Variants in SAMD5 observed in about 807,000 individuals in gnomAD.
The protein encoded by SAMD5 is sterile alpha motif domain-containing protein 5.
In SAMD5, 13 loss-of-function variants were observed where a neutral mutation model predicts 11.3. The ratio of observed to expected loss-of-function variants is 1.15; its 90% CI spans 0.75 to 1.83. The LOEUF is 1.83. SAMD5 is among the 40% of genes most tolerant of loss of function. The probability of loss-of-function intolerance (pLI) is 0.00; values close to 1 mark genes in which losing one functional copy is unlikely to be tolerated. For synonymous variants in SAMD5, 129 were observed against 111.3 expected, an observed-to-expected ratio of 1.16 and a Z score of -1.00; for missense variants, 255 against 239.1, an observed-to-expected ratio of 1.07 and a Z score of -0.44.
At chr6:147,854,912 G>A in the SAMD5 span, among the ~76,000 whole-genome samples, 3 of 152,268 alleles carry the variant, frequency 2.0e-5, 1 homozygote, top group East Asian at 5.8e-4. Flanking sequence ...TGTACAGGGA[G>A]TGTACTACTG....
chr6:147,877,394 A>G, the SAMD5 span, among the ~76,000 whole-genome samples: 1 of 152,316 alleles, frequency 6.6e-6, no homozygotes, highest in South Asian at 2.1e-4. Context: ...ATTCAACCTT[A>G]CAACAGAGAA....
chr6:147,786,409 C>G, the SAMD5 span, among the ~76,000 whole-genome samples: 1 of 152,126 alleles, frequency 6.6e-6, no homozygotes, highest in African/African-American at 2.4e-5. Context: ...CTAATTTATT[C>G]ATCTGGAAAG....
chr6:147,659,367 G>T (rs1007209828), intron 1 of SAMD5, among the ~76,000 whole-genome samples: 2 of 152,040 alleles, frequency 1.3e-5, no homozygotes, highest in Non-Finnish European at 2.9e-5. Context: ...TATCAGCAAA[G>T]CTTATCAATG....
At chr6:147,777,233 A>G in the SAMD5 span, among the ~76,000 whole-genome samples, 250 of 152,220 alleles carry the variant, frequency 1.6e-3, 1 homozygote, top group African/African-American at 5.7e-3. Context: ...TCATGCCCCA[A>G]TAATACCAAG....
intron 1 of SAMD5, among the ~76,000 whole-genome samples, chr6:147,667,419 A>G (rs1790738411): frequency 6.6e-6 from 1 of 152,196 alleles, no homozygotes; most frequent in Non-Finnish European, 1.5e-5. Flanking sequence ...AGGCGTTGGC[A>G]TATAATGAGG....
rs1789079637 is a variant in SAMD5 at position 147,568,454 on chromosome 6, G to C, written c.*3998G>C. ...TAGGTATCAAAATAGGTTTAGGCAG[G>C]TGGAAGTTCTGAATTTCAAGGCAAA... On this transcript the variant is annotated 3_prime_UTR_variant, in exon 2 of 2. Transcript: ENST00000367474. 2 of 985,362 alleles carry C rather than the reference G, an allele frequency of 2.0e-6. No homozygotes were observed. The highest frequency in any genetic ancestry group is 1.2e-6 in the Non-Finnish European group (1 of 829,904). 61.0% of individuals were successfully genotyped at this position (985,362 alleles called of 1,614,324 possible).
the SAMD5 span, among the ~76,000 whole-genome samples, chr6:147,767,468 C>T: frequency 3.3e-5 from 5 of 151,976 alleles, no homozygotes; most frequent in East Asian, 1.9e-4. Flanking sequence ...TGTGTCTCCC[C>T]GAAACTCTTA....
chr6:147,782,566 T>C, the SAMD5 span, among the ~76,000 whole-genome samples: 1 of 152,214 alleles, frequency 6.6e-6, no homozygotes, highest in East Asian at 1.9e-4. Context: ...GTGGGAATTA[T>C]TCTCCTGCAG....
the SAMD5 span, among the ~76,000 whole-genome samples, chr6:147,796,693 C>T: frequency 6.3e-3 from 965 of 152,264 alleles, 10 homozygotes; most frequent in African/African-American, 0.022. Context: ...TTCTTCCTAC[C>T]CATGAGCATG....
the SAMD5 span, among the ~76,000 whole-genome samples, chr6:147,775,300 C>T: frequency 6.6e-6 from 1 of 152,064 alleles, no homozygotes; most frequent in African/African-American, 2.4e-5. Flanking sequence ...TCAATTTTCT[C>T]ATCTGTTAAA....
the SAMD5 span, among the ~76,000 whole-genome samples, chr6:147,762,012 C>CT: frequency 2.6e-5 from 4 of 152,052 alleles, no homozygotes; most frequent in East Asian, 1.9e-4. Flanking sequence ...CACGCCTGGC[C>CT]TTTTTTTACA....
the SAMD5 span, among the ~76,000 whole-genome samples, chr6:147,936,345 G>A: frequency 1.3e-5 from 2 of 151,974 alleles, no homozygotes; most frequent in Non-Finnish European, 2.9e-5. Context: ...CATAGCACTA[G>A]CATCTGCTTC....
At chr6:147,584,211 T>A (rs989742036) in intron 1 of SAMD5, among the ~76,000 whole-genome samples, 2 of 152,164 alleles carry the variant, frequency 1.3e-5, no homozygotes, top group African/African-American at 4.8e-5. Flanking sequence ...ATTATTAATA[T>A]AACCCACTAA....
intron 1 of SAMD5, among the ~76,000 whole-genome samples, chr6:147,652,353 A>C (rs1790498182): frequency 6.6e-6 from 1 of 152,164 alleles, no homozygotes; most frequent in Admixed American, 6.5e-5. Flanking sequence ...AGTGTTTTAT[A>C]ATAATTGCCT....
At chr6:147,776,427 G>A in the SAMD5 span, among the ~76,000 whole-genome samples, 4 of 152,244 alleles carry the variant, frequency 2.6e-5, no homozygotes, top group East Asian at 1.9e-4. Context: ...AGAATTATGA[G>A]CTCCTTCGCA....
At chr6:147,912,500 T>TA in the SAMD5 span, among the ~76,000 whole-genome samples, 5 of 152,130 alleles carry the variant, frequency 3.3e-5, no homozygotes, top group Admixed American at 3.3e-4. Context: ...CATAAAAGGG[T>TA]AAAAATCATC....
the SAMD5 span, among the ~76,000 whole-genome samples, chr6:147,857,382 A>G: frequency 6.6e-6 from 1 of 151,340 alleles, no homozygotes; most frequent in Non-Finnish European, 1.5e-5. Context: ...TGGCATGTGT[A>G]TGTAGTCCTA....
chr6:147,587,998 T>G (rs1309510793), intron 1 of SAMD5, among the ~76,000 whole-genome samples: 2 of 152,202 alleles, frequency 1.3e-5, no homozygotes, highest in African/African-American at 2.4e-5. Context: ...CTGTTTCAAC[T>G]TTTTAAATTT....
chr6:147,802,061 A>T, the SAMD5 span, among the ~76,000 whole-genome samples: 500 of 152,314 alleles, frequency 3.3e-3, 2 homozygotes, highest in African/African-American at 0.011. Flanking sequence ...CTGATAAACT[A>T]AATTTTATCA....
Sources: gnomAD v4.1 joint callset for allele counts (sites outside exome capture counted in the v4.1 genomes callset) on GRCh38, gnomAD v4.1.1 for gene constraint, MANE v1.5 for transcripts, NCBI Gene and HGNC (gene_info 2026-07-23, HGNC 2026-07-21) for gene names.